CNR2: variants seen among roughly 807,000 people sequenced by gnomAD.
The protein encoded by CNR2 is cannabinoid receptor 2, also known as cannabinoid receptor 2 (macrophage).
For synonymous variants in CNR2, 172 were observed against 182.2 expected (o/e 0.94, Z 0.45); for missense variants, 379 against 439.9 (o/e 0.86, Z 1.24).
intron 1 of CNR2, among the ~76,000 whole-genome samples, chr1:23,894,766 A>AG (rs1640251308): frequency 8.0e-6 from 1 of 124,690 alleles, no homozygotes; most frequent in Non-Finnish European, 1.8e-5. Flanking sequence ...ATTTTGTCTC[A>AG]AAAAAAAAAA....
intron 1 of CNR2, chr1:23,902,830 G>A (rs1640424841): frequency 3.9e-6 from 5 of 1,278,004 alleles, no homozygotes; most frequent in Non-Finnish European, 4.9e-6. Flanking sequence ...TGCGCTGCCC[G>A]GCCTTCCTGC....
chr1:23,885,864 C>T (rs1640079618), intron 1 of CNR2, among the ~76,000 whole-genome samples: 1 of 136,700 alleles, frequency 7.3e-6, no homozygotes. Flanking sequence ...GGCGACATAG[C>T]GAGAATCTGT....
intron 1 of CNR2, among the ~76,000 whole-genome samples, chr1:23,894,224 C>T (rs1390071724): frequency 1.3e-5 from 2 of 150,928 alleles, no homozygotes; most frequent in Non-Finnish European, 2.9e-5. Context: ...AGTTCAAGAC[C>T]AGCCTGACCA....
chr1:23,877,591 G>A (rs920489824), intron 1 of CNR2, among the ~76,000 whole-genome samples: 12 of 151,426 alleles, frequency 7.9e-5, no homozygotes, highest in Non-Finnish European at 2.9e-5. Context: ...GCCGAGAGCC[G>A]AGATGGCGCC....
chr1:23,884,318 G>A (rs1009740153), intron 1 of CNR2, among the ~76,000 whole-genome samples: 5 of 19,956 alleles, frequency 2.5e-4, no homozygotes, highest in Admixed American at 1.9e-3. Context: ...AGTGATCTGC[G>A]CGCCTTGGCC....
chr1:23,896,070 C>T (rs1276272753), intron 1 of CNR2, among the ~76,000 whole-genome samples: 2 of 152,060 alleles, frequency 1.3e-5, no homozygotes, highest in African/African-American at 4.8e-5. Flanking sequence ...CACTATATCA[C>T]CCAGGCTTGT....
At chr1:23,875,724 G>T (rs1328045363) in intron 1 of CNR2, 62 bp from the exon 2 acceptor site, 3 of 1,355,472 alleles carry the variant, frequency 2.2e-6, no homozygotes, top group Non-Finnish European at 3.0e-6. Context: ...GACCTCACCT[G>T]ATAACTGACT....
intron 1 of CNR2, among the ~76,000 whole-genome samples, chr1:23,881,825 A>G (rs1639993279): frequency 6.7e-6 from 1 of 148,298 alleles, no homozygotes; most frequent in Admixed American, 6.7e-5. Flanking sequence ...GGGAAGGCGG[A>G]GGTTTCGGTG....
intron 1 of CNR2, among the ~76,000 whole-genome samples, chr1:23,880,653 C>T (rs1356442520): frequency 2.0e-5 from 3 of 151,916 alleles, no homozygotes; most frequent in East Asian, 1.9e-4. Context: ...GCAACCTCCG[C>T]CTCCAGGGTT....
intron 1 of CNR2, among the ~76,000 whole-genome samples, chr1:23,893,196 C>G (rs189439265): frequency 6.6e-6 from 1 of 152,198 alleles, no homozygotes; most frequent in Non-Finnish European, 1.5e-5. Flanking sequence ...ATCACCCCCA[C>G]CCAGGCTGTC....
intron 1 of CNR2, chr1:23,901,968 GC>G (rs2148469397): frequency 1.9e-6 from 3 of 1,604,636 alleles, no homozygotes; most frequent in Middle Eastern, 1.7e-4. Context: ...TCCAGGCGGG[GC>G]TTGTTGGTGG....
intron 1 of CNR2, among the ~76,000 whole-genome samples, chr1:23,906,178 C>T (rs921634902): frequency 1.3e-5 from 2 of 152,050 alleles, no homozygotes; most frequent in African/African-American, 4.8e-5. Context: ...CTGTCTTCCC[C>T]CCTCAGACTC....
At chr1:23,894,123 T>TA (rs61646362) in intron 1 of CNR2, among the ~76,000 whole-genome samples, 143,315 of 145,776 alleles carry the variant, frequency 0.98, 70,456 homozygotes, top group South Asian at 1. Context: ...TGTCTCAAAT[T>TA]AAAAAAAAAA....
rs2502998 is a variant in CNR2, at chr1:23,871,837, T to A, written c.*2698A>T. The A allele has an allele frequency of 0.63, 95,680 of 151,204 alleles. 30,641 individuals carry two copies. The highest frequency in any genetic ancestry group is 0.76 in the African/African-American group (31,097 of 41,180). The allele number at this position is 151,204 out of a possible 1,614,324, so 9.4% of individuals were successfully genotyped here. A position where few individuals can be genotyped will look rare whatever the true frequency, so the allele number is the denominator to read the frequency against. The stretch of plus-strand genomic sequence containing the variant: ...CCCAAATCCAGTGACTGATATTCTT[T>A]AAAAAAGACACCAGGCCGGGTATGG... On this transcript the variant is annotated 3_prime_UTR_variant, in exon 2 of 2. Coordinates refer to ENST00000374472, the MANE Select transcript of CNR2 (RefSeq NM_001841.3).
chr1:23,913,093 T>TGAGGTG (rs749625302), intron 1 of CNR2, among the ~76,000 whole-genome samples, 153 bp downstream of exon 1: 124 of 16,932 alleles, frequency 7.3e-3, no homozygotes, highest in Non-Finnish European at 0.024. Context: ...CTTGAACCTG[T>TGAGGTG]GAGGCTGCAC....
intron 1 of CNR2, among the ~76,000 whole-genome samples, chr1:23,890,765 A>G (rs1462121390): frequency 6.7e-6 from 1 of 149,638 alleles, no homozygotes; most frequent in African/African-American, 2.5e-5. Flanking sequence ...AAAAAGAAAT[A>G]GATCAAAGTG....
At chr1:23,888,796 C>T (rs1640135154) in intron 1 of CNR2, among the ~76,000 whole-genome samples, 1 of 152,076 alleles carries the variant, frequency 6.6e-6, no homozygotes, top group South Asian at 2.1e-4. Flanking sequence ...CACGGTGAAA[C>T]CCTGTCTACT....
At chr1:23,899,929 AAG>A (rs1407329170) in intron 1 of CNR2, among the ~76,000 whole-genome samples, 2 of 7,976 alleles carry the variant, frequency 2.5e-4, no homozygotes, top group African/African-American at 2.9e-4. Flanking sequence ...AAGAGAAAGA[AAG>A]AGAAAGAAAG....
chr1:23,878,695 A>T (rs1354972416), intron 1 of CNR2, among the ~76,000 whole-genome samples: 1 of 152,208 alleles, frequency 6.6e-6, no homozygotes, highest in African/African-American at 2.4e-5. Flanking sequence ...AGAATTTTTA[A>T]AAACACATTC....
Sources: gnomAD v4.1 joint callset for allele counts (sites outside exome capture counted in the v4.1 genomes callset) on GRCh38, gnomAD v4.1.1 for gene constraint, MANE v1.5 for transcripts, NCBI Gene and HGNC (gene_info 2026-07-23, HGNC 2026-07-21) for gene names.